PDE1C: variants seen among roughly 807,000 people sequenced by gnomAD.
The protein encoded by PDE1C is dual specificity calcium/calmodulin-dependent 3',5'-cyclic nucleotide phosphodiesterase 1C.
A neutral mutation model predicts 93.1 loss-of-function variants in PDE1C; 62 were observed. That is an observed-to-expected ratio of 0.67 (90% CI 0.54 to 0.82). The LOEUF is 0.82. PDE1C is among the 40% of genes least tolerant of loss of function. The pLI is 0.00. For synonymous variants in PDE1C, 325 were observed against 310.1 expected, an observed-to-expected ratio of 1.05 and a Z score of -0.50; for missense variants, 742 against 884.6, an observed-to-expected ratio of 0.84 and a Z score of 2.04.
chr7:32,402,938 C>T (rs915165667), intron 1 of PDE1C, among the ~76,000 whole-genome samples: 3 of 152,156 alleles, frequency 2.0e-5, no homozygotes, highest in African/African-American at 4.8e-5. Flanking sequence ...CAACAAGGAG[C>T]CCCAACAAGG....
At chr7:32,252,684 G>A (rs1337144118) in intron 1 of PDE1C, among the ~76,000 whole-genome samples, 1 of 152,182 alleles carries the variant, frequency 6.6e-6, no homozygotes, top group Non-Finnish European at 1.5e-5. Context: ...CAGGAAGGCA[G>A]GGCCAGAGTC....
intron 9 of PDE1C, among the ~76,000 whole-genome samples, chr7:31,842,726 T>C (rs1286124866): frequency 1.3e-5 from 2 of 151,980 alleles, no homozygotes; most frequent in African/African-American, 4.8e-5. Context: ...CTTAATTTTT[T>C]CTTTTTATTT....
At chr7:32,033,765 G>A (rs1386865690) in intron 2 of PDE1C, among the ~76,000 whole-genome samples, 1 of 152,252 alleles carries the variant, frequency 6.6e-6, no homozygotes, top group East Asian at 1.9e-4. Flanking sequence ...ACCCCTGGAA[G>A]GATATTGAGT....
chr7:31,869,824 C>G (rs1024613818), intron 6 of PDE1C, among the ~76,000 whole-genome samples: 12 of 151,976 alleles, frequency 7.9e-5, no homozygotes, highest in African/African-American at 2.9e-4. Context: ...ATTTTTCTCA[C>G]CAACACAAAG....
chr7:32,084,237 G>C (rs999751516), intron 3 of PDE1C, among the ~76,000 whole-genome samples: 10 of 151,966 alleles, frequency 6.6e-5, no homozygotes, highest in African/African-American at 2.4e-4. Context: ...AACCAACAAA[G>C]ATCAAAGGAG....
At chr7:32,276,577 G>A (rs1349900342) in intron 1 of PDE1C, among the ~76,000 whole-genome samples, 2 of 152,190 alleles carry the variant, frequency 1.3e-5, no homozygotes, top group Non-Finnish European at 2.9e-5. Flanking sequence ...TCTGCGTGAT[G>A]ATCAGGTGTT....
At chr7:32,163,886 G>A (rs1021739590) in intron 3 of PDE1C, among the ~76,000 whole-genome samples, 4 of 151,966 alleles carry the variant, frequency 2.6e-5, no homozygotes, top group African/African-American at 9.7e-5. Flanking sequence ...TCCCAAACAG[G>A]GTTTTAAAAA....
chr7:31,726,380 C>T, the PDE1C span, among the ~76,000 whole-genome samples: 345 of 152,210 alleles, frequency 2.3e-3, 2 homozygotes, highest in African/African-American at 8.0e-3. Context: ...TAATATTGTA[C>T]TTTTGTATAT....
intron 2 of PDE1C, among the ~76,000 whole-genome samples, chr7:32,036,396 C>A (rs552691077): frequency 3.3e-5 from 5 of 152,182 alleles, no homozygotes; most frequent in Non-Finnish European, 5.9e-5. Context: ...AAAATCAATG[C>A]CCTACGTTTC....
chr7:32,202,397 C>T (rs1805079033), intron 2 of PDE1C, among the ~76,000 whole-genome samples: 1 of 152,216 alleles, frequency 6.6e-6, no homozygotes, highest in African/African-American at 2.4e-5. Context: ...AGTGAATATT[C>T]CTCCGCTGGA....
chr7:32,313,796 C>G (rs1390413526), intron 1 of PDE1C, among the ~76,000 whole-genome samples: 1 of 150,900 alleles, frequency 6.6e-6, no homozygotes, highest in Non-Finnish European at 1.5e-5. Context: ...GGAGATATAC[C>G]TAATGCTAAA....
chr7:32,279,548 T>C (rs1811494337), intron 1 of PDE1C, among the ~76,000 whole-genome samples: 1 of 152,142 alleles, frequency 6.6e-6, no homozygotes, highest in South Asian at 2.1e-4. Context: ...TTATACAATA[T>C]ATACATGCAT....
At chr7:31,769,142 A>G (rs1352609151) in intron 17 of PDE1C, among the ~76,000 whole-genome samples, 2 of 152,092 alleles carry the variant, frequency 1.3e-5, no homozygotes. Context: ...GTAAATTATC[A>G]TTGTATACCT....
chr7:31,803,304 G>A (rs980215672), intron 16 of PDE1C, among the ~76,000 whole-genome samples: 1 of 151,482 alleles, frequency 6.6e-6, no homozygotes, highest in Non-Finnish European at 1.5e-5. Flanking sequence ...TGAACATATG[G>A]GCTACAGTTA....
chr7:31,908,673 A>C (rs537723070), intron 2 of PDE1C, among the ~76,000 whole-genome samples: 3 of 152,306 alleles, frequency 2.0e-5, no homozygotes, highest in South Asian at 2.1e-4. Flanking sequence ...GAAACTGGCT[A>C]AAATACTTTA....
chr7:31,996,581 G>T (rs1386327273), intron 2 of PDE1C, among the ~76,000 whole-genome samples: 2 of 152,190 alleles, frequency 1.3e-5, no homozygotes, highest in Admixed American at 6.5e-5. Context: ...CATGGGCTGG[G>T]AGCCTCAAGG....
At chr7:31,720,117 T>C in the PDE1C span, among the ~76,000 whole-genome samples, 3 of 131,498 alleles carry the variant, frequency 2.3e-5, no homozygotes, top group African/African-American at 5.8e-5. Flanking sequence ...GAGCCGAGAT[T>C]GCGCCACTGC....
chr7:31,857,234 T>A (rs1794136062), intron 7 of PDE1C, among the ~76,000 whole-genome samples: 1 of 152,192 alleles, frequency 6.6e-6, no homozygotes. Flanking sequence ...TTTATCTTCC[T>A]TAAAATAAGA....
At chr7:32,079,095 G>C (rs1796514629) in intron 3 of PDE1C, among the ~76,000 whole-genome samples, 1 of 152,200 alleles carries the variant, frequency 6.6e-6, no homozygotes, top group Non-Finnish European at 1.5e-5. Context: ...CAAAGGTGAA[G>C]ATTTACAGAT....
Sources: allele counts gnomAD v4.1 joint callset (sites outside exome capture counted in the v4.1 genomes callset), GRCh38; gene constraint gnomAD v4.1.1; transcripts MANE v1.5; gene names NCBI Gene and HGNC (gene_info 2026-07-23, HGNC 2026-07-21).